Variants in MX1 observed in about 807,000 individuals in gnomAD.
The protein encoded by MX1 is interferon-induced GTP-binding protein Mx1.
In MX1, 66 loss-of-function variants were observed where a neutral mutation model predicts 66.4. The observed-to-expected ratio is 0.99, with a 90% confidence interval of 0.82 to 1.22. The LOEUF (loss-of-function observed/expected upper bound fraction) is 1.22. MX1 is among the 50% of genes most tolerant of loss of function. The pLI is 0.00. For missense variants in MX1, 787 were observed against 834.3 expected, an observed-to-expected ratio of 0.94 and a Z score of 0.70; for synonymous variants, 311 against 318.1, an observed-to-expected ratio of 0.98 and a Z score of 0.24.
rs541890706 is a variant in MX1, at chr21:41,452,663, G to A, written c.1552G>A (p.Glu518Lys). Residue 518 changes from glutamate (E) to lysine (K), a missense_variant, in exon 16 of 17, where the codon GAG (glutamate) becomes AAG (lysine). Physicochemically the swap from Glu to Lys is moderately conservative, Grantham distance 56 (BLOSUM62 1). Transcript: ENST00000398598. The stretch of plus-strand genomic sequence containing the variant: ...TAGAGCAGAACAAGAGAGAGAAGGT[G>A]AGAAGCTGATCCGCCTCCACTTCCA... ...DIRAEQEREGEKLIRLHFQME... is the reference protein window; with the variant it reads ...DIRAEQEREGKKLIRLHFQME... 6.8e-6 allele frequency: 11 copies of A among 1,614,200 alleles called. No individual in the cohort carries two copies. The African/African-American group carries it at 1.2e-4, about 18-fold the overall frequency.
intron 4 of MX1, 89 bp downstream of exon 4, chr21:41,430,697 CTG>C (rs1385057289): frequency 6.6e-6 from 1 of 152,164 alleles, no homozygotes; most frequent in Non-Finnish European, 1.5e-5. Context: ...TTATTAGACA[CTG>C]TAAAATTTCA....
In MX1 at chr21:41,449,143, A is replaced by C; in HGVS notation, c.1280A>C (p.Lys427Thr). The C allele has an allele frequency of 1.2e-6, 2 of 1,610,310 alleles. No individual in the cohort carries two copies. Among genetic ancestry groups the C allele is most frequent in the Non-Finnish European group, 1.7e-6 (2 of 1,178,844 alleles). ...GTTTTTTTTCCTGCTATAGGCCATAAAATTTTGAGTAGAAAAATCCAGAAA... is the reference window on the plus strand; with the variant it reads ...GTTTTTTTTCCTGCTATAGGCCATACAATTTTGAGTAGAAAAATCCAGAAA... Reference protein sequence around the residue: ...IIENNFQEGHKILSRKIQKFE... With the variant: ...IIENNFQEGHTILSRKIQKFE... The change falls in exon 14 of 17, where the codon AAA becomes ACA. Residue 427 changes from lysine (K) to threonine (T), a missense_variant. Lys to Thr is a moderately conservative substitution (Grantham distance 78, BLOSUM62 -1). Transcript: ENST00000398598.
intron 10 of MX1, 90 bp downstream of exon 10, chr21:41,442,004 G>GGTGT: frequency 2.1e-6 from 2 of 957,788 alleles, no homozygotes; most frequent in Non-Finnish European, 3.2e-6. Context: ...ACAGATGTGT[G>GGTGT]GAGTGTGTGT....
chr21:41,434,213 C>G (rs1464450193), intron 5 of MX1, among the ~76,000 whole-genome samples: 1 of 152,224 alleles, frequency 6.6e-6, no homozygotes, highest in African/African-American at 2.4e-5. Context: ...CTCATATTTT[C>G]TTCCTGAACC....
chr21:41,437,737 C>T (rs929000087), intron 7 of MX1, among the ~76,000 whole-genome samples: 1 of 152,168 alleles, frequency 6.6e-6, no homozygotes. Flanking sequence ...CAAGGGCTTC[C>T]CTACTTAGAT....
rs551847357 is a variant in MX1, at chr21:41,432,255, A to C, written c.105+80A>C. On this transcript the variant is annotated intron_variant, in intron 5 of 16. Transcript: ENST00000398598. Reference sequence around the variant, plus strand: ...GGCTGCCCTTTTCTACAGCGGTGCTACTGCTGCCCAGATATGCCTGCTCTC... The same window carrying C: ...GGCTGCCCTTTTCTACAGCGGTGCTCCTGCTGCCCAGATATGCCTGCTCTC... 7.1e-5 allele frequency: 91 copies of C among 1,273,174 alleles called. No homozygotes were observed. The East Asian group carries it at 1.5e-3, about 20-fold the overall frequency. The allele number at this position is 1,273,174 out of a possible 1,614,324, so 78.9% of individuals were successfully genotyped here. A position where few individuals can be genotyped will look rare whatever the true frequency, so the allele number is the denominator to read the frequency against.
chr21:41,448,930 T>TTGTG (rs10528033), intron 13 of MX1, among the ~76,000 whole-genome samples: 83 of 139,614 alleles, frequency 5.9e-4, no homozygotes, highest in Middle Eastern at 3.6e-3. Context: ...AGATCTGGTT[T>TTGTG]TGTGTGTGTG....
intron 8 of MX1, among the ~76,000 whole-genome samples, chr21:41,440,546 C>T (rs1386265021): frequency 6.6e-6 from 1 of 152,154 alleles, no homozygotes; most frequent in East Asian, 1.9e-4. Context: ...ATCAGTGAAT[C>T]TCACTTTACA....
chr21:41,441,511 G>A lies in MX1; in HGVS notation c.731-205G>A. 1 of 602,302 alleles carries A rather than the reference G, an allele frequency of 1.7e-6. No homozygotes were observed. Among genetic ancestry groups the A allele is most frequent in the East Asian group, 2.8e-5 (1 of 35,530 alleles). 37.3% of individuals were successfully genotyped at this position (602,302 alleles called of 1,614,324 possible). A position where few individuals can be genotyped will look rare whatever the true frequency, so the allele number is the denominator to read the frequency against. On this transcript the variant is annotated intron_variant, in intron 9 of 16. Coordinates refer to ENST00000398598, the MANE Select transcript of MX1 (RefSeq NM_002462.5). This position sits in a 1 kb window ranked among gnomAD's most constrained non-coding sequence, Gnocchi z 4.0. ...TTGGGGAGAGCCACATGCTGTTCTG[G>A]GAGGCATCCCTGCCTTCACGCGGCT...
intron 3 of MX1, chr21:41,429,309 A>G (rs546301754): frequency 5.9e-5 from 9 of 152,364 alleles, no homozygotes; most frequent in Non-Finnish European, 8.8e-5. Context: ...GACAAAACCC[A>G]TAAGGTTTAG....
At chr21:41,428,925 A>G (rs2090138153) in intron 3 of MX1, 1 of 152,218 alleles carries the variant, frequency 6.6e-6, no homozygotes, top group Admixed American at 6.5e-5. Context: ...GCACAGGGGC[A>G]GTTGCTCAGG....
intron 16 of MX1, among the ~76,000 whole-genome samples, chr21:41,457,628 G>A (rs1445043680): frequency 2.0e-5 from 3 of 152,118 alleles, no homozygotes; most frequent in African/African-American, 7.2e-5. Flanking sequence ...ACTCTCTTAT[G>A]TTTTACCATC....
In MX1 at chr21:41,441,284, G is replaced by A. The variant is rs1015773504; in HGVS notation, c.730+259G>A. 1.2e-5 allele frequency: 6 copies of A among 490,308 alleles called. No individual in the cohort carries two copies. Among genetic ancestry groups the A allele is most frequent in the East Asian group, 3.3e-5 (1 of 29,988 alleles). The allele number at this position is 490,308 out of a possible 1,614,324, so 30.4% of individuals were successfully genotyped here. A position where few individuals can be genotyped will look rare whatever the true frequency, so the allele number is the denominator to read the frequency against. On this transcript the variant is annotated intron_variant, in intron 9 of 16. Transcript: ENST00000398598. The surrounding 1 kb of genome is among the most constrained non-coding windows in gnomAD (Gnocchi z 4.0). ...GGTTTGGTGCCCACCAAGGCCAAGT[G>A]AAATGAGCTGCTTTTGACTCTCACT...
intron 1 of MX1, among the ~76,000 whole-genome samples, chr21:41,421,053 G>T (rs957129913): frequency 6.6e-6 from 1 of 152,270 alleles, no homozygotes; most frequent in African/African-American, 2.4e-5. Context: ...TTGATCATTT[G>T]TGGGTGTTTC....
Position 41,458,738 on chromosome 21 carries a change from CTTGCCCAGT to C in MX1, c.1971_1979del (p.Ala658_Phe660del), listed in dbSNP as rs1290960255. ...ACGGCTGACGCAGGCTCGGCGCCGG[CTTGCCCAGT>C]TCCCCGGTTAACCACACTCTGTCCA... On this transcript the variant is annotated inframe_deletion, in exon 17 of 17. Transcript: ENST00000398598. 1 of 1,612,816 alleles carries C rather than the reference CTTGCCCAGT, an allele frequency of 6.2e-7. No individual in the cohort carries two copies. Among genetic ancestry groups the C allele is most frequent in the Middle Eastern group, 1.7e-4 (1 of 6,060 alleles).
chr21:41,435,565 T>G (rs947341927), intron 5 of MX1, among the ~76,000 whole-genome samples: 1 of 152,162 alleles, frequency 6.6e-6, no homozygotes, highest in Non-Finnish European at 1.5e-5. Flanking sequence ...GGAAGGCATC[T>G]CTTCACAAGG....
rs2146401107 is a variant in MX1, at chr21:41,458,927, T to C, written c.*169T>C. 1 of 1,257,732 alleles carries C rather than the reference T, an allele frequency of 8.0e-7. No homozygotes were observed. Among genetic ancestry groups the C allele is most frequent in the Non-Finnish European group, 1.1e-6 (1 of 936,880 alleles). 77.9% of individuals were successfully genotyped at this position (1,257,732 alleles called of 1,614,324 possible). ...GAAGCTGTGAGAGCAGTTTGGTTTCTAGCATGAAGACAGAGCCCCACCCTC... is the reference window on the plus strand; with the variant it reads ...GAAGCTGTGAGAGCAGTTTGGTTTCCAGCATGAAGACAGAGCCCCACCCTC... On this transcript the variant is annotated 3_prime_UTR_variant, in exon 17 of 17. Transcript: ENST00000398598.
chr21:41,446,203 A>T, intron 13 of MX1, 62 bp downstream of exon 13: 1 of 1,427,610 alleles, frequency 7.0e-7, no homozygotes, highest in Non-Finnish European at 9.7e-7. Flanking sequence ...TGGGTCATTT[A>T]TAAACAGTAG....
chr21:41,443,705 C>T (rs542332230), intron 10 of MX1, 83 bp from the exon 11 acceptor site: 1 of 1,376,714 alleles, frequency 7.3e-7, no homozygotes, highest in East Asian at 2.3e-5. Flanking sequence ...TGAAATTTGC[C>T]TTGACTTTCC....
Sources: allele counts gnomAD v4.1 joint callset (sites outside exome capture counted in the v4.1 genomes callset), GRCh38; gene constraint gnomAD v4.1.1; non-coding constraint Gnocchi (gnomAD v3.1); transcripts MANE v1.5; gene names NCBI Gene and HGNC (gene_info 2026-07-23, HGNC 2026-07-21).